CLSPN: variants seen among roughly 807,000 people sequenced by gnomAD.
The protein encoded by CLSPN is claspin.
CLSPN carries 85 observed loss-of-function variants against 156.3 expected under a neutral mutation model. The ratio of observed to expected loss-of-function variants is 0.54; its 90% confidence interval spans 0.46 to 0.65. The LOEUF is 0.65. Among genes scored for constraint, CLSPN ranks in the 30% least tolerant of loss-of-function variants. CLSPN has a pLI of 0.00. For synonymous variants in CLSPN, 534 were observed against 542.4 expected, an observed-to-expected ratio of 0.98 and a Z score of 0.22; for missense variants, 1,407 against 1,554.9, an observed-to-expected ratio of 0.90 and a Z score of 1.60.
At chr1:35,739,104 C>T in intron 20 of CLSPN, 32 bp downstream of exon 20, 1 of 1,613,770 alleles carries the variant, frequency 6.2e-7, no homozygotes, top group African/African-American at 1.3e-5. Flanking sequence ...CAGCCCGTAA[C>T]TGATTGCTTT....
At chr1:35,748,703 T>C (rs573773685) in intron 12 of CLSPN, 99 bp from the exon 13 acceptor site, 14 of 919,510 alleles carry the variant, frequency 1.5e-5, no homozygotes, top group Non-Finnish European at 2.1e-5. Context: ...ATAAAATTCA[T>C]AGGCAAACCC....
At chr1:35,755,014 A>G (rs1318559435) in intron 8 of CLSPN, among the ~76,000 whole-genome samples, 2 of 152,202 alleles carry the variant, frequency 1.3e-5, no homozygotes, top group Non-Finnish European at 2.9e-5. Context: ...GGAATCTGTG[A>G]TGAGAGCTGG....
At chr1:35,731,124 C>T (rs750714925), downstream of CLSPN, among the ~76,000 whole-genome samples, 4 of 147,388 alleles carry the variant, frequency 2.7e-5, no homozygotes, top group South Asian at 4.3e-4. Flanking sequence ...CGCCTGAACC[C>T]GGGAGGCAGA....
chr1:35,768,011 A>G (rs369870921), intron 1 of CLSPN, among the ~76,000 whole-genome samples: 31 of 152,310 alleles, frequency 2.0e-4, no homozygotes, highest in African/African-American at 7.0e-4. Context: ...TTATTAATAA[A>G]GGGAGAAATA....
At chr1:35,729,036 G>A (rs1235199064), downstream of CLSPN, among the ~76,000 whole-genome samples, 1 of 149,888 alleles carries the variant, frequency 6.7e-6, no homozygotes, top group Non-Finnish European at 1.5e-5. Flanking sequence ...AAACCCAGAT[G>A]ATTTTTGCCT....
chr1:35,762,149 C>A, intron 5 of CLSPN, 79 bp from the exon 6 acceptor site: 2 of 1,130,850 alleles, frequency 1.8e-6, no homozygotes, highest in Non-Finnish European at 2.6e-6. Flanking sequence ...CAAGAGTTTG[C>A]TCTCTCCAAG....
chr1:35,726,585 A>G (rs1222394998), intron 24 of CLSPN, among the ~76,000 whole-genome samples: 1 of 152,228 alleles, frequency 6.6e-6, no homozygotes. Context: ...ACACACACAC[A>G]TCATCATAAT....
Position 35,743,240 on chromosome 1 carries a change from T to C in CLSPN, c.3044A>G (p.Asp1015Gly). ...SNDNEFDSDE[D>G]EHSDSGNDLA... ...ATCATTACCAGAGTCACTGTGTTCA[T>C]CCTACAAAATCAGCATCATATCCAA... Residue 1015 changes from aspartate to glycine, a missense_variant and splice_region_variant, in exon 18 of 25, where the codon GAT (aspartate) becomes GGT (glycine). Transcript: ENST00000318121. 6.2e-7 allele frequency: 1 copy of C among 1,610,692 alleles called. No individual in the cohort carries two copies.
Position 35,736,032 on chromosome 1 carries a change from A to G in CLSPN, c.*464T>C, listed in dbSNP as rs1180196193. 4 of 697,198 alleles carry G rather than the reference A, an allele frequency of 5.7e-6. No homozygotes were observed. The highest frequency in any genetic ancestry group is 7.1e-6 in the Non-Finnish European group (4 of 567,244). The allele number at this position is 697,198 out of a possible 1,614,324, so 43.2% of individuals were successfully genotyped here. ...CAGGAGTTCAAGACCAGCCTGGCCAACATGGTGAAACCCCGTCTCTACTAA... is the reference window on the plus strand; with the variant it reads ...CAGGAGTTCAAGACCAGCCTGGCCAGCATGGTGAAACCCCGTCTCTACTAA... On this transcript the variant is annotated 3_prime_UTR_variant, in exon 25 of 25. Coordinates refer to ENST00000318121, the MANE Select transcript of CLSPN (RefSeq NM_022111.4).
In CLSPN at chr1:35,746,639, C is replaced by A; in HGVS notation, c.2854+127G>T. On this transcript the variant is annotated intron_variant, in intron 15 of 24. Transcript: ENST00000318121. This position sits in a 1 kb window ranked among gnomAD's most constrained non-coding sequence, Gnocchi z 4.2. ...TCTCAAACTTCTGAGCTCAAGCGAT[C>A]CATCCAACTTAGCCTCCCAAAGTTC... 1.6e-6 allele frequency: 1 copy of A among 643,634 alleles called. No homozygotes were observed. Among genetic ancestry groups the A allele is most frequent in the South Asian group, 1.8e-5 (1 of 54,280 alleles). 39.9% of individuals were successfully genotyped at this position (643,634 alleles called of 1,614,324 possible). A position where few individuals can be genotyped will look rare whatever the true frequency, so the allele number is the denominator to read the frequency against.
At chr1:35,768,652 G>A (rs554329939) in intron 1 of CLSPN, among the ~76,000 whole-genome samples, 1 of 151,850 alleles carries the variant, frequency 6.6e-6, no homozygotes, top group African/African-American at 2.4e-5. Context: ...TTGAGCTCAA[G>A]CAATCTGCCG....
Position 35,738,576 on chromosome 1 carries a change from G to A in CLSPN, c.3437C>T (p.Ala1146Val), listed in dbSNP as rs1641567145. Residue 1146 changes from alanine (A) to valine (V), a missense_variant, in exon 21 of 25, where the codon GCT becomes GTT. Physicochemically the swap from Ala to Val is moderately conservative, Grantham distance 64. Coordinates refer to ENST00000318121, the MANE Select transcript of CLSPN (RefSeq NM_022111.4). The part of the protein sequence containing the change: ...RKFRWKNIDD[A>V]SQMDLFHRDS... ...TCTGTGGAACAAGTCCATCTGGGAA[G>A]CATCATCTAAACAAAGAGTGAAGGT... 3 of 1,613,914 alleles carry A rather than the reference G, an allele frequency of 1.9e-6. No homozygotes were observed. The highest frequency in any genetic ancestry group is 2.5e-6 in the Non-Finnish European group (3 of 1,179,904).
At chr1:35,762,366 A>C in intron 5 of CLSPN, 38 bp downstream of exon 5, 4 of 1,440,674 alleles carry the variant, frequency 2.8e-6, no homozygotes, top group South Asian at 1.2e-5. Context: ...TCCTGTGTAA[A>C]GAGATCAGTG....
chr1:35,724,754 G>A (rs1200076398), intron 24 of CLSPN, among the ~76,000 whole-genome samples: 1 of 152,198 alleles, frequency 6.6e-6, no homozygotes, highest in Non-Finnish European at 1.5e-5. Flanking sequence ...CCTTTGACAT[G>A]CCAAAGAGCC....
chr1:35,743,599 T>G, intron 16 of CLSPN, 69 bp from the exon 17 acceptor site: 1 of 1,301,212 alleles, frequency 7.7e-7, no homozygotes, highest in South Asian at 1.3e-5. Flanking sequence ...AGCCAAGTTA[T>G]GAATTAAAAA....
Position 35,753,932 on chromosome 1 carries a change from C to T in CLSPN, c.1584G>A (p.Leu528=). 6.2e-7 allele frequency: 1 copy of T among 1,614,050 alleles called. No individual in the cohort carries two copies. Among genetic ancestry groups the T allele is most frequent in the Non-Finnish European group, 8.5e-7 (1 of 1,179,996 alleles). ...TCCAGAAACGCTGCTTCAAGGCTTC[C>T]AGTTCTAAACCCAAACGCCAACCAG... ...VILEPETNRE[L]EALKQRFWKH... is the part of the protein sequence containing the mutation. The change falls in exon 9 of 25, where the codon CTG becomes CTA. Residue 528 remains leucine, a synonymous_variant. Coordinates refer to ENST00000318121, the MANE Select transcript of CLSPN (RefSeq NM_022111.4).
Position 35,747,923 on chromosome 1 carries a change from G to T in CLSPN, c.2611C>A (p.Leu871Met). The stretch of plus-strand genomic sequence containing the variant: ...ACTACCTACCCATCTGCATCCAACA[G>T]TTGGCTCTGAGTGTCATCTTCTAAA... ...FCLEDDTQSQ[L>M]LDADGFLNVR... Residue 871 changes from leucine to methionine, a missense_variant, in exon 14 of 25, where the codon CTG (leucine) becomes ATG (methionine). Leu to Met is a conservative substitution (Grantham distance 15). This residue lies in a region of CLSPN where 1,096 missense variants were observed against 1,193.0 expected (regional missense o/e 0.92). Transcript: ENST00000318121. The T allele has an allele frequency of 1.2e-6, 2 of 1,613,960 alleles. No individual in the cohort carries two copies. The highest frequency in any genetic ancestry group is 1.7e-6 in the Non-Finnish European group (2 of 1,179,968).
At chr1:35,720,678 C>T (rs1012308209) in exon 25 of CLSPN, 3 of 327,472 alleles carry the variant, frequency 9.2e-6, no homozygotes, top group Non-Finnish European at 1.1e-5. Context: ...GATCTCCTGA[C>T]CTTGTGATCC....
At chr1:35,720,844 C>G in exon 25 of CLSPN, 1 of 1,356,708 alleles carries the variant, frequency 7.4e-7, no homozygotes, top group Middle Eastern at 1.8e-4. Flanking sequence ...TTTGTTCTGC[C>G]CAGAATAGCC....
Sources: allele counts gnomAD v4.1 joint callset (sites outside exome capture counted in the v4.1 genomes callset), GRCh38; gene constraint gnomAD v4.1.1; regional missense constraint gnomAD v4.1.1; non-coding constraint Gnocchi (gnomAD v3.1); transcripts MANE v1.5; gene names NCBI Gene and HGNC (gene_info 2026-07-23, HGNC 2026-07-21).